P2RX4: variants seen among roughly 807,000 people sequenced by gnomAD.
The protein encoded by P2RX4 is purinergic receptor P2X 4, also known as P2X purinoceptor 4.
Under a neutral mutation model 48.0 loss-of-function variants are expected in P2RX4, and 37 were observed. The ratio of observed to expected loss-of-function variants is 0.77; its 90% CI spans 0.59 to 1.01. P2RX4 has a LOEUF of 1.01. P2RX4 is among the 50% of genes least tolerant of loss of function. The pLI, the probability that P2RX4 is intolerant of heterozygous loss-of-function variation, is 0.00. For missense variants in P2RX4, 501 were observed against 521.4 expected, an observed-to-expected ratio of 0.96 and a Z score of 0.38; for synonymous variants, 200 against 199.7, an observed-to-expected ratio of 1.00 and a Z score of -0.01.
At chr12:121,212,287 C>T (rs1345885747) in intron 1 of P2RX4, among the ~76,000 whole-genome samples, 3 of 151,998 alleles carry the variant, frequency 2.0e-5, no homozygotes, top group African/African-American at 7.3e-5. Flanking sequence ...CCACCTGGCC[C>T]ACACCCAGAT....
chr12:121,220,567 C>T (rs1280856398), intron 2 of P2RX4, among the ~76,000 whole-genome samples: 1 of 152,016 alleles, frequency 6.6e-6, no homozygotes, highest in Non-Finnish European at 1.5e-5. Context: ...ACCCAGGAGG[C>T]GGAGATTGCA....
At chr12:121,230,984 T>TA (rs61460996) in intron 8 of P2RX4, among the ~76,000 whole-genome samples, 15,795 of 78,396 alleles carry the variant, frequency 0.2, 1,030 homozygotes, top group Middle Eastern at 0.33. Flanking sequence ...ATATATATAT[T>TA]TTTTTTTTTT....
Position 121,232,686 on chromosome 12 carries a change from T to A in P2RX4, c.1044+10T>A, listed in dbSNP as rs777809146. On this transcript the variant is annotated intron_variant, in intron 10 of 11. Coordinates refer to ENST00000337233, the MANE Select transcript of P2RX4 (RefSeq NM_002560.3). The surrounding 1 kb of genome is among the most constrained non-coding windows in gnomAD (Gnocchi z 4.3). ...GGCACTGCTAGGCATGGTGAGTGGT[T>A]TAGGCCCTGCCTTCACCCTCACGGT... 6.2e-7 allele frequency: 1 copy of A among 1,608,384 alleles called. No homozygotes were observed. Among genetic ancestry groups the A allele is most frequent in the Admixed American group, 1.7e-5 (1 of 60,028 alleles).
intron 2 of P2RX4, among the ~76,000 whole-genome samples, chr12:121,218,740 T>A (rs1377176974): frequency 6.6e-6 from 1 of 152,022 alleles, no homozygotes; most frequent in Non-Finnish European, 1.5e-5. Flanking sequence ...GCCGTGTGAG[T>A]TCCCCAGGGC....
At chr12:121,227,558 A>T (rs1194087928) in intron 5 of P2RX4, among the ~76,000 whole-genome samples, 2 of 152,224 alleles carry the variant, frequency 1.3e-5, no homozygotes, top group Non-Finnish European at 2.9e-5. Context: ...GCGGCCCCAA[A>T]GCCAGGCCTA....
chr12:121,210,140 G>A lies in P2RX4; in HGVS notation c.-25G>A. 6.6e-7 allele frequency: 1 copy of A among 1,512,304 alleles called. No homozygotes were observed. The highest frequency in any genetic ancestry group is 8.8e-7 in the Non-Finnish European group (1 of 1,136,904). 93.7% of individuals were successfully genotyped at this position (1,512,304 alleles called of 1,614,324 possible). Reference sequence around the variant, plus strand: ...GGGGACTGGGACCCAGACCGACTAGGGGACTGGGAGCGGGCGGCGCGGCCA... The same window carrying A: ...GGGGACTGGGACCCAGACCGACTAGAGGACTGGGAGCGGGCGGCGCGGCCA... On this transcript the variant is annotated 5_prime_UTR_variant, in exon 1 of 12. Transcript: ENST00000337233.
In P2RX4 at chr12:121,221,943, G is replaced by A. The variant is rs769067310; in HGVS notation, c.313G>A (p.Val105Met). The A allele has an allele frequency of 5.6e-6, 9 of 1,614,176 alleles. No homozygotes were observed. The highest frequency in any genetic ancestry group is 4.5e-5 in the East Asian group (2 of 44,880). ...AAACTCCCTCTTCGTCATGACCAACGTGATCCTCACCATGAACCAGACACA... is the reference window on the plus strand; with the variant it reads ...AAACTCCCTCTTCGTCATGACCAACATGATCCTCACCATGAACCAGACACA... ...EENSLFVMTNVILTMNQTQGL... is the reference protein window; with the variant it reads ...EENSLFVMTNMILTMNQTQGL... The change falls in exon 3 of 12, where the codon GTG (valine) becomes ATG (methionine). Residue 105 changes from valine to methionine, a missense_variant. Val to Met is a conservative substitution (Grantham distance 21). Around this residue, in one of 3 missense-constraint regions of P2RX4, gnomAD observed 295 missense variants for 275.3 expected, o/e 1.07. Coordinates refer to ENST00000337233, the MANE Select transcript of P2RX4 (RefSeq NM_002560.3).
intron 1 of P2RX4, 35 bp downstream of exon 1, chr12:121,210,333 G>T: frequency 6.8e-7 from 1 of 1,475,236 alleles, no homozygotes; most frequent in African/African-American, 1.5e-5. Context: ...CGCGGCGGGT[G>T]CTGCCCTCGC....
chr12:121,222,398 G>GTTTTTTTTTTTTTTTTTTTTTT, intron 4 of P2RX4: 2 of 425,544 alleles, frequency 4.7e-6, no homozygotes, highest in South Asian at 3.2e-5. Flanking sequence ...GTTTTTTCTT[G>GTTTTTTTTTTTTTTTTTTTTTT]TTTTTTTTTT....
At position 121,233,508 on chromosome 12, in the gene P2RX4, T is replaced by G. The variant is rs1477217446; in HGVS notation, c.1141-15T>G. The G allele has an allele frequency of 6.2e-7, 1 of 1,605,484 alleles. No homozygotes were observed. Among genetic ancestry groups the G allele is most frequent in the Admixed American group, 1.7e-5 (1 of 58,796 alleles). On this transcript the variant is annotated splice_polypyrimidine_tract_variant and intron_variant, in intron 11 of 11. Coordinates refer to ENST00000337233, the MANE Select transcript of P2RX4 (RefSeq NM_002560.3). Reference sequence around the variant, plus strand: ...TCCCAGGGGCACCTTGATCTGCTTGTGTCCTTCTTTGCAGGGTCTTGCTAG... The same window carrying G: ...TCCCAGGGGCACCTTGATCTGCTTGGGTCCTTCTTTGCAGGGTCTTGCTAG...
chr12:121,217,339 G>A, intron 2 of P2RX4, 58 bp downstream of exon 2: 2 of 1,556,714 alleles, frequency 1.3e-6, no homozygotes, highest in South Asian at 2.2e-5. Flanking sequence ...TACTGACTTT[G>A]CACACTTGAT....
chr12:121,220,409 G>A (rs1456592021), intron 2 of P2RX4, among the ~76,000 whole-genome samples: 1 of 152,088 alleles, frequency 6.6e-6, no homozygotes, highest in Admixed American at 6.6e-5. Context: ...GCTGAGGCAG[G>A]TAGATCACTT....
intron 1 of P2RX4, chr12:121,215,891 G>A: frequency 6.6e-6 from 1 of 152,106 alleles, no homozygotes; most frequent in Non-Finnish European, 1.5e-5. Context: ...CTTCAGAGGA[G>A]AGAACCATAT....
At position 121,210,178 on chromosome 12, in the gene P2RX4, G is replaced by T; in HGVS notation, c.14G>T (p.Cys5Phe). The T allele has an allele frequency of 6.6e-7, 1 of 1,523,612 alleles. No individual in the cohort carries two copies. 94.4% of individuals were successfully genotyped at this position (1,523,612 alleles called of 1,614,324 possible). MAGC[C>F]AALAAFLFEY... Reference sequence around the variant, plus strand: ...GGCGGCGCGGCCATGGCGGGCTGCTGCGCCGCGCTGGCGGCCTTCCTGTTC... The same window carrying T: ...GGCGGCGCGGCCATGGCGGGCTGCTTCGCCGCGCTGGCGGCCTTCCTGTTC... The change falls in exon 1 of 12, where the codon TGC becomes TTC. Residue 5 changes from cysteine to phenylalanine, a missense_variant. This residue lies in a region of P2RX4 where 295 missense variants were observed against 275.3 expected (regional missense o/e 1.07). Coordinates refer to ENST00000337233, the MANE Select transcript of P2RX4 (RefSeq NM_002560.3).
chr12:121,212,374 T>TCAAGACCAGCCTGGACA (rs113612302), intron 1 of P2RX4, among the ~76,000 whole-genome samples: 2 of 151,300 alleles, frequency 1.3e-5, no homozygotes, highest in Admixed American at 6.6e-5. Flanking sequence ...GGCCAGGAGC[T>TCAAGACCAGCCTGGACA]CAAGACCAGC....
intron 2 of P2RX4, among the ~76,000 whole-genome samples, chr12:121,219,321 G>A (rs1187283862): frequency 2.0e-5 from 3 of 152,170 alleles, no homozygotes; most frequent in African/African-American, 7.2e-5. Flanking sequence ...GTGGGGTTGG[G>A]GATGTCTACA....
In P2RX4 at chr12:121,217,216, G is replaced by A. The variant is rs776783602; in HGVS notation, c.217G>A (p.Val73Met). 1.2e-6 allele frequency: 2 copies of A among 1,614,216 alleles called. No homozygotes were observed. The highest frequency in any genetic ancestry group is 1.1e-5 in the South Asian group (1 of 91,092). The change falls in exon 2 of 12, where the codon GTG becomes ATG. Residue 73 changes from valine to methionine, a missense_variant. Transcript: ENST00000337233. ...SVTTKVKGVA[V>M]TNTSKLGFRI... ...TACGACCAAGGTCAAGGGCGTGGCT[G>A]TGACCAACACTTCTAAACTTGGATT...
Position 121,233,013 on chromosome 12 carries a change from A to T in P2RX4, c.1061A>T (p.Asp354Val). The change falls in exon 11 of 12, where the codon GAC (aspartate) becomes GTC (valine). Residue 354 changes from aspartate to valine, a missense_variant. Coordinates refer to ENST00000337233, the MANE Select transcript of P2RX4 (RefSeq NM_002560.3). ...TAAACTCAGGCGACCGTGCTGTGTG[A>T]CATCATAGTCCTCTACTGCATGAAG... is the stretch of plus-strand genomic sequence containing the variant. The part of the protein sequence containing the change: ...ALLGMATVLC[D>V]IIVLYCMKKR... 6.2e-7 allele frequency: 1 copy of T among 1,613,166 alleles called. No homozygotes were observed. Among genetic ancestry groups the T allele is most frequent in the Non-Finnish European group, 8.5e-7 (1 of 1,179,124 alleles).
Position 121,229,248 on chromosome 12 carries a change from G to T in P2RX4, c.884+149G>T. The T allele has an allele frequency of 3.0e-6, 3 of 987,352 alleles. No homozygotes were observed. The highest frequency in any genetic ancestry group is 4.6e-6 in the Non-Finnish European group (3 of 650,680). The allele number at this position is 987,352 out of a possible 1,614,324, so 61.2% of individuals were successfully genotyped here. On this transcript the variant is annotated intron_variant, in intron 8 of 11. Transcript: ENST00000337233. The surrounding 1 kb of genome is among the most constrained non-coding windows in gnomAD (Gnocchi z 4.6). ...CCGTCCAAGGCGGCGGGAAGGCCAT[G>T]CTGGGAAAATGCCCTTAGTGGTGTC...
Sources: gnomAD v4.1 joint callset for allele counts (sites outside exome capture counted in the v4.1 genomes callset) on GRCh38, gnomAD v4.1.1 for gene constraint, gnomAD v4.1.1 regional missense constraint, Gnocchi (gnomAD v3.1) non-coding constraint, MANE v1.5 for transcripts, NCBI Gene and HGNC (gene_info 2026-07-23, HGNC 2026-07-21) for gene names.